The following GLRA3 variants were observed in gnomAD, a reference collection of about 807,000 sequenced individuals.
GLRA3 encodes the protein glycine receptor alpha 3, also known as glycine receptor subunit alpha-3.
A neutral mutation model predicts 60.4 loss-of-function variants in GLRA3; 44 were observed. The observed-to-expected ratio is 0.73, with a 90% CI of 0.57 to 0.94. The LOEUF is 0.94. GLRA3 is among the 40% of genes least tolerant of loss of function. GLRA3 has a pLI of 0.00. For missense variants in GLRA3, 508 were observed against 564.6 expected, an observed-to-expected ratio of 0.90 and a Z score of 1.02; for synonymous variants, 223 against 192.9, an observed-to-expected ratio of 1.16 and a Z score of -1.29.
At chr4:174,716,412 C>T (rs752524435) in intron 4 of GLRA3, among the ~76,000 whole-genome samples, 9 of 152,170 alleles carry the variant, frequency 5.9e-5, no homozygotes, top group Non-Finnish European at 2.9e-5. Flanking sequence ...AAATTCATCA[C>T]CTTTGAATAC....
intron 1 of GLRA3, among the ~76,000 whole-genome samples, chr4:174,790,276 A>G (rs770158658): frequency 1.1e-4 from 17 of 152,014 alleles, no homozygotes; most frequent in Non-Finnish European, 2.2e-4. Flanking sequence ...TGTTGGCTCC[A>G]TGTGACTTCG....
At position 174,639,193 on chromosome 4, in the gene GLRA3, G is replaced by A. The variant is rs1030347840; in HGVS notation, c.*4593C>T. ...TTAGCTTTGTTTATGTGTTTTTGAGGCAAAAGATTGTTGCATGATTAAGAG... is the reference window on the plus strand; with the variant it reads ...TTAGCTTTGTTTATGTGTTTTTGAGACAAAAGATTGTTGCATGATTAAGAG... On this transcript the variant is annotated 3_prime_UTR_variant, in exon 10 of 10. Transcript: ENST00000274093. 23 of 152,114 alleles carry A rather than the reference G, an allele frequency of 1.5e-4. No homozygotes were observed. The highest frequency in any genetic ancestry group is 5.6e-4 in the African/African-American group (23 of 41,422). 9.4% of individuals were successfully genotyped at this position (152,114 alleles called of 1,614,324 possible). A position where few individuals can be genotyped will look rare whatever the true frequency, so the allele number is the denominator to read the frequency against.
At chr4:174,706,698 GA>G (rs140916633) in intron 5 of GLRA3, among the ~76,000 whole-genome samples, 2,033 of 152,270 alleles carry the variant, frequency 0.013, 16 homozygotes, top group Non-Finnish European at 0.02. Flanking sequence ...TTCTCCGAAG[GA>G]AAATAAAATT....
chr4:174,731,070 G>C (rs1736528456), intron 3 of GLRA3, among the ~76,000 whole-genome samples: 4 of 152,066 alleles, frequency 2.6e-5, no homozygotes, highest in African/African-American at 9.7e-5. Flanking sequence ...TCTATGCTTT[G>C]GTTCAGGGCC....
chr4:174,745,228 A>G (rs962290113), intron 3 of GLRA3, among the ~76,000 whole-genome samples: 32 of 152,206 alleles, frequency 2.1e-4, no homozygotes, highest in Admixed American at 1.9e-3. Context: ...AGCCTATTTA[A>G]TGAAATAATA....
chr4:174,647,666 T>C (rs1317061994), intron 9 of GLRA3, among the ~76,000 whole-genome samples: 1 of 152,172 alleles, frequency 6.6e-6, no homozygotes. Flanking sequence ...GATTTTAATT[T>C]TTACATTAAC....
At position 174,824,917 on chromosome 4, in the gene GLRA3, G is replaced by A. The variant is rs143984782; in HGVS notation, c.71+3824C>T. Among the ~76,000 whole-genome samples the A allele has an allele frequency of 7.0e-3, 1,067 of 152,202 alleles. 2 individuals carry two copies. The highest frequency in any genetic ancestry group is 0.011 in the Non-Finnish European group (758 of 67,972). On this transcript the variant is annotated intron_variant, in intron 1 of 9. Transcript: ENST00000274093. ...TAGCACAATTTGTGCACAGAATTTC[G>A]TGAATAAATCTTGTTAAATTGCTTA... is the stretch of plus-strand genomic sequence containing the variant.
intron 4 of GLRA3, among the ~76,000 whole-genome samples, chr4:174,723,277 T>A (rs1396157370): frequency 6.6e-6 from 1 of 152,130 alleles, no homozygotes; most frequent in Admixed American, 6.5e-5. Context: ...CATCTTGAAA[T>A]CTTCTTAATA....
intron 3 of GLRA3, among the ~76,000 whole-genome samples, chr4:174,732,411 T>C (rs1307292251): frequency 6.6e-6 from 1 of 151,174 alleles, no homozygotes; most frequent in South Asian, 2.1e-4. Context: ...ATTTGATATA[T>C]GCACACTCAG....
rs1416995337 is a variant in GLRA3 at position 174,638,304 on chromosome 4, T to C, written c.*5482A>G. The C allele has an allele frequency of 6.6e-6, 1 of 152,090 alleles. No individual in the cohort carries two copies. The highest frequency in any genetic ancestry group is 2.1e-4 in the South Asian group (1 of 4,828). The allele number at this position is 152,090 out of a possible 1,614,324, so 9.4% of individuals were successfully genotyped here. ...TAAATTCTTTTTTTGTCTGTCTGTT[T>C]GTTTGTGAGACAGAGTCTCACTCTG... On this transcript the variant is annotated 3_prime_UTR_variant, in exon 10 of 10. Transcript: ENST00000274093.
chr4:174,779,666 G>A (rs1247984053), intron 2 of GLRA3, among the ~76,000 whole-genome samples: 1 of 152,180 alleles, frequency 6.6e-6, no homozygotes, highest in Non-Finnish European at 1.5e-5. Flanking sequence ...CATGAAGAAT[G>A]CAGAAGCCTC....
At chr4:174,809,600 G>A (rs1483796527) in intron 1 of GLRA3, among the ~76,000 whole-genome samples, 1 of 152,070 alleles carries the variant, frequency 6.6e-6, no homozygotes, top group Non-Finnish European at 1.5e-5. Flanking sequence ...AGGTATGGTG[G>A]CACATGCCTC....
At chr4:174,699,967 A>G (rs1030780774) in intron 5 of GLRA3, among the ~76,000 whole-genome samples, 2 of 151,958 alleles carry the variant, frequency 1.3e-5, no homozygotes, top group Non-Finnish European at 2.9e-5. Flanking sequence ...CACTCCCAGG[A>G]TATGTTTTCT....
chr4:174,661,751 C>A (rs1258422411), intron 7 of GLRA3, among the ~76,000 whole-genome samples: 1 of 152,174 alleles, frequency 6.6e-6, no homozygotes, highest in African/African-American at 2.4e-5. Context: ...GATTCTGACA[C>A]CTGCTCAGCT....
chr4:174,721,398 T>C (rs528440753), intron 4 of GLRA3, among the ~76,000 whole-genome samples: 8 of 151,988 alleles, frequency 5.3e-5, no homozygotes, highest in Non-Finnish European at 7.4e-5. Context: ...TTGCTCCTGA[T>C]TAAGCTTGGT....
At chr4:174,742,653 A>G (rs1346622455) in intron 3 of GLRA3, among the ~76,000 whole-genome samples, 1 of 152,178 alleles carries the variant, frequency 6.6e-6, no homozygotes, top group Non-Finnish European at 1.5e-5. Context: ...CAGACTTGCA[A>G]TATGTGCCAT....
chr4:174,827,293 A>G (rs1416752214), intron 1 of GLRA3, among the ~76,000 whole-genome samples: 1 of 151,836 alleles, frequency 6.6e-6, no homozygotes, highest in Non-Finnish European at 1.5e-5. Flanking sequence ...AACAAATATC[A>G]TAGTGATTGC....
At chr4:174,767,056 G>A (rs779693085) in intron 2 of GLRA3, 26 bp from the exon 3 acceptor site, 35 of 1,287,166 alleles carry the variant, frequency 2.7e-5, no homozygotes, top group South Asian at 8.6e-5. Context: ...AAACATAAGG[G>A]CTGTTTAGAG....
intron 3 of GLRA3, among the ~76,000 whole-genome samples, chr4:174,743,311 C>T (rs745890604): frequency 2.0e-5 from 3 of 151,850 alleles, no homozygotes; most frequent in Non-Finnish European, 4.4e-5. Flanking sequence ...CTTTTTTTCT[C>T]GTGTAGGATC....
Sources: allele counts gnomAD v4.1 joint callset (sites outside exome capture counted in the v4.1 genomes callset), GRCh38; gene constraint gnomAD v4.1.1; transcripts MANE v1.5; gene names NCBI Gene and HGNC (gene_info 2026-07-23, HGNC 2026-07-21).